Variants in AFF3 observed in about 807,000 individuals in gnomAD.
AFF3 encodes the protein AF4/FMR2 family member 3.
In AFF3, 32 loss-of-function variants were observed where a neutral mutation model predicts 129.7. The observed-to-expected ratio is 0.25, with a 90% CI of 0.19 to 0.33. AFF3 has a LOEUF of 0.33. AFF3 is among the 10% of genes least tolerant of loss of function. AFF3 has a pLI of 1.00. For synonymous variants in AFF3, 644 were observed against 635.4 expected, an observed-to-expected ratio of 1.01 and a Z score of -0.20; for missense variants, 1,373 against 1,592.0, an observed-to-expected ratio of 0.86 and a Z score of 2.34.
chr2:99,999,132 C>T (rs142578556), intron 7 of AFF3, among the ~76,000 whole-genome samples: 4 of 152,330 alleles, frequency 2.6e-5, no homozygotes, highest in African/African-American at 9.6e-5. Context: ...AGGCAGAGAA[C>T]ACAGCGTCCC....
chr2:99,835,096 C>T (rs569698547), intron 8 of AFF3, among the ~76,000 whole-genome samples: 39 of 152,126 alleles, frequency 2.6e-4, no homozygotes, highest in South Asian at 4.1e-4. Flanking sequence ...TTCCCATGGC[C>T]GTAAGCGCAC....
intron 1 of AFF3, among the ~76,000 whole-genome samples, chr2:100,138,256 T>A (rs1387046849): frequency 6.6e-6 from 1 of 152,204 alleles, no homozygotes; most frequent in Non-Finnish European, 1.5e-5. Flanking sequence ...GGGGCAAGCA[T>A]GTGATCTAAA....
chr2:99,872,077 G>A (rs570775531), intron 7 of AFF3, among the ~76,000 whole-genome samples: 11 of 151,446 alleles, frequency 7.3e-5, no homozygotes, highest in Non-Finnish European at 1.5e-4. Flanking sequence ...GTGGTGGTGG[G>A]CGCCTGTAGT....
chr2:99,726,137 T>G (rs1679342677), intron 11 of AFF3, among the ~76,000 whole-genome samples: 1 of 152,220 alleles, frequency 6.6e-6, no homozygotes, highest in Non-Finnish European at 1.5e-5. Context: ...GGGAAGTATC[T>G]TAAGAAAGAC....
At chr2:100,136,362 G>A (rs768490900) in intron 1 of AFF3, among the ~76,000 whole-genome samples, 3 of 152,132 alleles carry the variant, frequency 2.0e-5, no homozygotes, top group Non-Finnish European at 4.4e-5. Flanking sequence ...GAGAAGGCGC[G>A]GCCAGTGTGG....
chr2:99,640,591 A>C (rs182409370), intron 13 of AFF3, among the ~76,000 whole-genome samples: 1 of 151,744 alleles, frequency 6.6e-6, no homozygotes, highest in East Asian at 1.9e-4. Flanking sequence ...AAGAGGAGAG[A>C]GTAGGGAAAG....
intron 7 of AFF3, among the ~76,000 whole-genome samples, chr2:99,855,059 C>T (rs1293072985): frequency 2.6e-5 from 4 of 151,954 alleles, no homozygotes; most frequent in South Asian, 2.1e-4. Context: ...GAGTAAACAT[C>T]GGTGAAAATC....
intron 2 of AFF3, 82 bp from the exon 3 acceptor site, chr2:100,105,665 G>C: frequency 7.4e-7 from 1 of 1,346,684 alleles, no homozygotes; most frequent in Non-Finnish European, 9.9e-7. Context: ...TCTTCCCCCT[G>C]GCTTACTTTT....
chr2:99,796,844 C>T (rs1019219162), intron 8 of AFF3, among the ~76,000 whole-genome samples: 12 of 152,120 alleles, frequency 7.9e-5, no homozygotes, highest in African/African-American at 2.7e-4. Flanking sequence ...GACTGTAAAA[C>T]CTTATAATTA....
At chr2:99,764,569 C>T (rs903937561) in intron 8 of AFF3, among the ~76,000 whole-genome samples, 7 of 152,098 alleles carry the variant, frequency 4.6e-5, no homozygotes, top group African/African-American at 1.2e-4. Context: ...ATTTATTCTT[C>T]GATCCACCTG....
intron 7 of AFF3, among the ~76,000 whole-genome samples, chr2:99,980,045 A>T (rs1559029448): frequency 2.6e-5 from 4 of 151,634 alleles, no homozygotes; most frequent in Admixed American, 6.6e-5. Flanking sequence ...GTTTCCAGCC[A>T]TTTTTTTTAA....
intron 11 of AFF3, among the ~76,000 whole-genome samples, chr2:99,699,793 T>G (rs541587039): frequency 4.0e-4 from 61 of 152,318 alleles, no homozygotes; most frequent in Non-Finnish European, 8.1e-4. Context: ...AATGCTTTCC[T>G]TCTGTTCAGA....
At chr2:99,584,404 C>T (rs1423971339) in intron 16 of AFF3, among the ~76,000 whole-genome samples, 2 of 152,142 alleles carry the variant, frequency 1.3e-5, no homozygotes, top group Admixed American at 6.5e-5. Flanking sequence ...GAGAGGTGGA[C>T]GTTGCAGTGA....
At chr2:99,976,637 A>G (rs1490987084) in intron 7 of AFF3, among the ~76,000 whole-genome samples, 2 of 152,346 alleles carry the variant, frequency 1.3e-5, no homozygotes, top group East Asian at 1.9e-4. Context: ...CACAAGGCCT[A>G]CAAGGAAAAG....
intron 7 of AFF3, among the ~76,000 whole-genome samples, chr2:99,902,733 T>C (rs765133744): frequency 3.6e-4 from 55 of 152,288 alleles, no homozygotes; most frequent in Middle Eastern, 3.4e-3. Context: ...ATTAAATTGA[T>C]TTTAACGAAG....
chr2:99,786,753 C>T lies in AFF3; in HGVS notation c.922-34452G>A, dbSNP rs529680202. On this transcript the variant is annotated intron_variant, in intron 8 of 24. Coordinates refer to ENST00000672756, the MANE Select transcript of AFF3 (RefSeq NM_001386135.1). ...CATGCTGTAAAATATTTAGAGGATT[C>T]GGGCTGGCTTTAGTGATGGATTCAA... Among the ~76,000 whole-genome samples the T allele has an allele frequency of 6.6e-5, 10 of 152,190 alleles. No homozygotes were observed. The South Asian group carries it at 8.3e-4, about 13-fold the overall frequency.
intron 8 of AFF3, among the ~76,000 whole-genome samples, chr2:99,800,433 GA>G (rs1412011723): frequency 6.6e-6 from 1 of 152,170 alleles, no homozygotes; most frequent in African/African-American, 2.4e-5. Flanking sequence ...AGGATGTGGA[GA>G]AACAACAACT....
At chr2:99,941,531 C>G (rs1576394655) in intron 7 of AFF3, among the ~76,000 whole-genome samples, 1 of 152,280 alleles carries the variant, frequency 6.6e-6, no homozygotes, top group East Asian at 1.9e-4. Context: ...ACTAACAGCC[C>G]CTGAATTTTG....
At chr2:99,815,536 A>T (rs1262901982) in intron 8 of AFF3, among the ~76,000 whole-genome samples, 3 of 152,096 alleles carry the variant, frequency 2.0e-5, no homozygotes, top group Non-Finnish European at 4.4e-5. Flanking sequence ...TTCTTTGTGT[A>T]GATCTGACTT....
Sources: gnomAD v4.1 joint callset for allele counts (sites outside exome capture counted in the v4.1 genomes callset) on GRCh38, gnomAD v4.1.1 for gene constraint, MANE v1.5 for transcripts, NCBI Gene and HGNC (gene_info 2026-07-23, HGNC 2026-07-21) for gene names.